The following ULK4 variants were observed in gnomAD, a reference collection of about 807,000 sequenced individuals.
ULK4 encodes inactive serine/threonine-protein kinase ULK4.
A neutral mutation model predicts 160.6 loss-of-function variants in ULK4; 133 were observed. The ratio of observed to expected loss-of-function variants is 0.83; its 90% CI spans 0.72 to 0.96. ULK4 has a LOEUF of 0.96. Among genes scored for constraint, ULK4 ranks in the 40% least tolerant of loss-of-function variants. The pLI, the probability that ULK4 is intolerant of heterozygous loss-of-function variation, is 0.00. For missense variants in ULK4, 1,580 were observed against 1,499.5 expected (o/e 1.05, Z -0.89); for synonymous variants, 534 against 539.8 (o/e 0.99, Z 0.15).
rs781277320 is a variant in ULK4 at position 41,582,076 on chromosome 3, G to A, written c.3121-15946C>T. ...GAATTGTAGTGCCCATAATTCCCAC[G>A]TGTTTTGGGAGGGACCCAGTGGGAG... On this transcript the variant is annotated intron_variant, in intron 31 of 36. Transcript: ENST00000301831. Among the ~76,000 whole-genome samples, 6 of 152,128 alleles carry A rather than the reference G, an allele frequency of 3.9e-5. No individual in the cohort carries two copies. The East Asian group carries it at 1.2e-3, about 29-fold the overall frequency.
At chr3:41,271,225 A>G (rs916789904) in intron 35 of ULK4, among the ~76,000 whole-genome samples, 2 of 151,386 alleles carry the variant, frequency 1.3e-5, no homozygotes, top group African/African-American at 2.4e-5. Context: ...CCCACACCCA[A>G]CTCCACCTTG....
intron 29 of ULK4, among the ~76,000 whole-genome samples, chr3:41,676,813 G>A (rs1368997696): frequency 1.3e-5 from 2 of 151,970 alleles, no homozygotes; most frequent in Non-Finnish European, 2.9e-5. Context: ...GGTTTCTGCT[G>A]GAAACAAGCT....
intron 31 of ULK4, among the ~76,000 whole-genome samples, chr3:41,614,450 A>G (rs1452313377): frequency 6.6e-6 from 1 of 152,258 alleles, no homozygotes; most frequent in East Asian, 1.9e-4. Context: ...GAAGATGGAA[A>G]GATACACATA....
intron 5 of ULK4, 179 bp downstream of exon 5, chr3:41,931,665 T>C (rs1428536207): frequency 1.6e-5 from 11 of 698,540 alleles, no homozygotes; most frequent in East Asian, 5.2e-5. Flanking sequence ...TAGATCCACA[T>C]TGAATACTTT....
chr3:41,872,616 C>T (rs1297010271), intron 17 of ULK4, among the ~76,000 whole-genome samples: 1 of 151,388 alleles, frequency 6.6e-6, no homozygotes, highest in Non-Finnish European at 1.5e-5. Flanking sequence ...CCAGCTTCTA[C>T]CTACTTTTGT....
At chr3:41,902,684 A>T (rs2148794098) in intron 12 of ULK4, among the ~76,000 whole-genome samples, 1 of 152,212 alleles carries the variant, frequency 6.6e-6, no homozygotes, top group African/African-American at 2.4e-5. Flanking sequence ...TAAAGAAAAA[A>T]AAAGATGGAC....
intron 22 of ULK4, among the ~76,000 whole-genome samples, chr3:41,724,834 G>A (rs1222522420): frequency 1.3e-5 from 2 of 152,150 alleles, no homozygotes; most frequent in Non-Finnish European, 2.9e-5. Flanking sequence ...AACTCATTGT[G>A]ATTAAACTAA....
intron 17 of ULK4, among the ~76,000 whole-genome samples, chr3:41,873,606 C>T (rs773226387): frequency 3.3e-5 from 5 of 152,138 alleles, no homozygotes; most frequent in African/African-American, 4.8e-5. Context: ...CAGGCTAGAG[C>T]GCAGTTGTGC....
chr3:41,767,010 G>A (rs769898812), intron 21 of ULK4: 4 of 152,158 alleles, frequency 2.6e-5, no homozygotes, highest in Non-Finnish European at 5.9e-5. Flanking sequence ...GGCTAACTGT[G>A]AAATATGTTC....
At chr3:41,301,898 TAATA>T (rs1457773784) in intron 35 of ULK4, among the ~76,000 whole-genome samples, 4 of 152,172 alleles carry the variant, frequency 2.6e-5, no homozygotes, top group Non-Finnish European at 5.9e-5. Flanking sequence ...GCTTTTTGAT[TAATA>T]AATATATTTA....
chr3:41,369,635 A>G (rs2081322515), intron 35 of ULK4, among the ~76,000 whole-genome samples: 1 of 152,054 alleles, frequency 6.6e-6, no homozygotes, highest in South Asian at 2.1e-4. Context: ...TCTACTAAAA[A>G]AATACAAAAA....
chr3:41,732,677 C>CT (rs2037873356), intron 22 of ULK4, among the ~76,000 whole-genome samples: 1 of 152,112 alleles, frequency 6.6e-6, no homozygotes, highest in Non-Finnish European at 1.5e-5. Flanking sequence ...CCCATGTTTA[C>CT]TGCAGCACTG....
At position 41,841,332 on chromosome 3, in the gene ULK4, C is replaced by T. The variant is rs577641340; in HGVS notation, c.1657-5361G>A. 4.1e-4 allele frequency among the ~76,000 whole-genome samples: 60 copies of T among 146,916 alleles called. 3 individuals carry two copies. The highest frequency in any genetic ancestry group is 3.3e-3 in the Admixed American group (49 of 14,840). ...GCCGCCCCGTCTGGGAGGTGAGGGGCGTCTCTGTCCGGCCACCCCGCCTGG... is the reference window on the plus strand; with the variant it reads ...GCCGCCCCGTCTGGGAGGTGAGGGGTGTCTCTGTCCGGCCACCCCGCCTGG... On this transcript the variant is annotated intron_variant, in intron 17 of 36. Transcript: ENST00000301831.
chr3:41,903,094 A>AAAG (rs1369391831), intron 12 of ULK4, among the ~76,000 whole-genome samples: 3 of 152,184 alleles, frequency 2.0e-5, no homozygotes, highest in Non-Finnish European at 4.4e-5. Flanking sequence ...GAAGGAAAGA[A>AAAG]AAGAAGTCAA....
At chr3:41,650,084 T>C (rs1395587530) in intron 30 of ULK4, among the ~76,000 whole-genome samples, 1 of 151,868 alleles carries the variant, frequency 6.6e-6, no homozygotes, top group Non-Finnish European at 1.5e-5. Context: ...GTCTCCTCTC[T>C]GCTGAGAGCT....
At chr3:41,357,740 C>G (rs2125769055) in intron 35 of ULK4, among the ~76,000 whole-genome samples, 1 of 152,314 alleles carries the variant, frequency 6.6e-6, no homozygotes, top group African/African-American at 2.4e-5. Flanking sequence ...ATGCTGTCCC[C>G]TCCCACTTAC....
At chr3:41,330,715 C>T (rs6804569) in intron 35 of ULK4, among the ~76,000 whole-genome samples, 191 of 152,324 alleles carry the variant, frequency 1.3e-3, no homozygotes, top group African/African-American at 4.4e-3. Flanking sequence ...AACACTTAGG[C>T]CTCATAGTAG....
chr3:41,285,053 C>A (rs1408094276), intron 35 of ULK4, among the ~76,000 whole-genome samples: 2 of 152,192 alleles, frequency 1.3e-5, no homozygotes, highest in Non-Finnish European at 2.9e-5. Context: ...CCATCTTACT[C>A]CTGCAAGAAT....
At chr3:41,860,853 T>C (rs2042483922) in intron 17 of ULK4, among the ~76,000 whole-genome samples, 1 of 152,210 alleles carries the variant, frequency 6.6e-6, no homozygotes, top group Non-Finnish European at 1.5e-5. Context: ...TATGATTTAG[T>C]TTCTTGCTTT....
Sources: gnomAD v4.1 joint callset for allele counts (sites outside exome capture counted in the v4.1 genomes callset) on GRCh38, gnomAD v4.1.1 for gene constraint, MANE v1.5 for transcripts, NCBI Gene and HGNC (gene_info 2026-07-23, HGNC 2026-07-21) for gene names.